RBFOX1: variants seen among roughly 807,000 people sequenced by gnomAD.
RBFOX1 encodes the protein RNA binding fox-1 homolog 1.
Under a neutral mutation model 57.7 loss-of-function variants are expected in RBFOX1, and 8 were observed. The ratio of observed to expected loss-of-function variants is 0.14; its 90% CI spans 0.08 to 0.25. The LOEUF (loss-of-function observed/expected upper bound fraction) is 0.25. Among genes scored for constraint, RBFOX1 ranks in the 10% least tolerant of loss-of-function variants. The pLI is 1.00. For synonymous variants in RBFOX1, 326 were observed against 222.4 expected (o/e 1.47, Z -4.15); for missense variants, 611 against 548.5 (o/e 1.11, Z -1.14).
At chr16:6,483,244 G>A (rs575539699) in intron 2 of RBFOX1, 12 of 1,253,960 alleles carry the variant, frequency 9.6e-6, no homozygotes, top group Non-Finnish European at 1.2e-5. Context: ...CGCCGCCGTG[G>A]CCTCCCTTTG....
At chr16:6,188,616 C>A (rs937644565) in intron 1 of RBFOX1, among the ~76,000 whole-genome samples, 6 of 151,988 alleles carry the variant, frequency 3.9e-5, no homozygotes, top group Admixed American at 3.9e-4. Context: ...CCTTGTTTCC[C>A]AGCTACCAGA....
intron 1 of RBFOX1, among the ~76,000 whole-genome samples, chr16:6,254,182 C>G (rs1303732611): frequency 6.6e-6 from 1 of 152,144 alleles, no homozygotes; most frequent in Non-Finnish European, 1.5e-5. Context: ...AATATCTACT[C>G]TGTAAGTGAG....
At chr16:5,952,079 G>GCATATATATATATA (rs2059532218) in intron 4 of RBFOX1, among the ~76,000 whole-genome samples, 1 of 148,368 alleles carries the variant, frequency 6.7e-6, no homozygotes, top group East Asian at 2.0e-4. Context: ...AAATATATGT[G>GCATATATATATATA]TATATATGCA....
At chr16:6,096,363 C>G (rs1037882564) in intron 1 of RBFOX1, among the ~76,000 whole-genome samples, 2 of 152,138 alleles carry the variant, frequency 1.3e-5, no homozygotes, top group Non-Finnish European at 2.9e-5. Context: ...TATTTAGGAC[C>G]ATGTGCACCC....
intron 3 of RBFOX1, among the ~76,000 whole-genome samples, chr16:6,659,016 C>G (rs1321787495): frequency 1.3e-5 from 2 of 151,048 alleles, no homozygotes; most frequent in Non-Finnish European, 2.9e-5. Flanking sequence ...CGGGAGGTAA[C>G]CCATCACTTG....
intron 4 of RBFOX1, among the ~76,000 whole-genome samples, chr16:7,105,055 C>T (rs936421327): frequency 2.0e-5 from 3 of 152,124 alleles, no homozygotes; most frequent in Non-Finnish European, 4.4e-5. Flanking sequence ...TCTCCACTTA[C>T]ATTCTTCTAG....
intron 2 of RBFOX1, among the ~76,000 whole-genome samples, chr16:6,594,457 G>A (rs1171914651): frequency 2.6e-5 from 4 of 152,086 alleles, no homozygotes; most frequent in African/African-American, 7.2e-5. Context: ...TGGCAAACTC[G>A]GCAATAAATG....
At chr16:6,931,479 G>T (rs1023135053) in intron 3 of RBFOX1, among the ~76,000 whole-genome samples, 1 of 152,090 alleles carries the variant, frequency 6.6e-6, no homozygotes, top group African/African-American at 2.4e-5. Context: ...AATCCCAGAA[G>T]TAGAACCTAC....
At chr16:7,222,082 A>G (rs982024500) in intron 4 of RBFOX1, among the ~76,000 whole-genome samples, 2 of 152,214 alleles carry the variant, frequency 1.3e-5, no homozygotes, top group Non-Finnish European at 2.9e-5. Context: ...ACTCTGTGTC[A>G]CTGCTTCCAG....
chr16:6,936,128 G>A (rs1325265590), intron 3 of RBFOX1, among the ~76,000 whole-genome samples: 1 of 152,196 alleles, frequency 6.6e-6, no homozygotes, highest in East Asian at 1.9e-4. Flanking sequence ...TTCAGCTTCT[G>A]TACACTTGAT....
chr16:6,021,449 A>G (rs911501199), intron 1 of RBFOX1, among the ~76,000 whole-genome samples: 1 of 152,154 alleles, frequency 6.6e-6, no homozygotes. Flanking sequence ...TTTAGCTAAG[A>G]TCTTTTATGT....
intron 11 of RBFOX1, among the ~76,000 whole-genome samples, chr16:7,640,201 C>G (rs2062534478): frequency 6.6e-6 from 1 of 152,204 alleles, no homozygotes; most frequent in Admixed American, 6.5e-5. Context: ...ATAATCATAA[C>G]CCACTTTGTT....
chr16:7,580,308 A>G (rs2093655444), intron 6 of RBFOX1, among the ~76,000 whole-genome samples: 1 of 152,184 alleles, frequency 6.6e-6, no homozygotes, highest in Non-Finnish European at 1.5e-5. Flanking sequence ...CAGTTGTCAA[A>G]TGATCCAGAG....
At chr16:6,359,040 T>C (rs989560711) in intron 2 of RBFOX1, among the ~76,000 whole-genome samples, 3 of 152,140 alleles carry the variant, frequency 2.0e-5, no homozygotes, top group African/African-American at 7.2e-5. Flanking sequence ...AAGGAATTAA[T>C]CCCTAATAAC....
intron 3 of RBFOX1, among the ~76,000 whole-genome samples, chr16:6,917,311 T>C (rs762109953): frequency 3.3e-5 from 5 of 152,218 alleles, no homozygotes; most frequent in African/African-American, 7.2e-5. Context: ...ACAGAGGATG[T>C]CACAGTTAGT....
At chr16:5,785,092 G>A (rs1298492975) in intron 3 of RBFOX1, among the ~76,000 whole-genome samples, 1 of 149,870 alleles carries the variant, frequency 6.7e-6, no homozygotes, top group East Asian at 2.0e-4. Context: ...ATACATAAAG[G>A]CATGCAACTT....
chr16:6,951,195 A>T (rs879268895), intron 3 of RBFOX1, among the ~76,000 whole-genome samples: 1 of 152,114 alleles, frequency 6.6e-6, no homozygotes, highest in East Asian at 1.9e-4. Context: ...GTGTGAGCCA[A>T]CAGGCCCTGC....
At chr16:6,610,945 C>T (rs970889940) in intron 2 of RBFOX1, among the ~76,000 whole-genome samples, 1 of 152,160 alleles carries the variant, frequency 6.6e-6, no homozygotes, top group Non-Finnish European at 1.5e-5. Context: ...TGTGGAAGAT[C>T]ATAATATACA....
At chr16:6,788,267 A>C (rs542567298) in intron 3 of RBFOX1, among the ~76,000 whole-genome samples, 1 of 151,958 alleles carries the variant, frequency 6.6e-6, no homozygotes, top group Non-Finnish European at 1.5e-5. Flanking sequence ...GCTGCATCAT[A>C]CCTGTTCTGA....
Sources: gnomAD v4.1 joint callset for allele counts (sites outside exome capture counted in the v4.1 genomes callset) on GRCh38, gnomAD v4.1.1 for gene constraint, MANE v1.5 for transcripts, NCBI Gene and HGNC (gene_info 2026-07-23, HGNC 2026-07-21) for gene names.